The following LRRC8E variants were observed in gnomAD, a reference collection of about 807,000 sequenced individuals.
LRRC8E encodes volume-regulated anion channel subunit LRRC8E.
Under a neutral mutation model 6.1 loss-of-function variants are expected in LRRC8E, and 6 were observed. The ratio of observed to expected loss-of-function variants is 0.98; its 90% CI spans 0.54 to 1.93. The LOEUF is 1.93. Ranked by LOEUF, LRRC8E falls within the 30% of genes most tolerant of loss-of-function variation. The pLI, the probability that LRRC8E is intolerant of heterozygous loss-of-function variation, is 0.01. For synonymous variants in LRRC8E, 485 were observed against 472.8 expected, an observed-to-expected ratio of 1.03 and a Z score of -0.33; for missense variants, 1,028 against 1,031.4, an observed-to-expected ratio of 1.00 and a Z score of 0.04.
At position 7,900,557 on chromosome 19, in the gene LRRC8E, C is replaced by T. The variant is rs1981940195; in HGVS notation, c.2035C>T (p.Arg679Cys). 16 of 1,613,048 alleles carry T rather than the reference C, an allele frequency of 9.9e-6. No individual in the cohort carries two copies. The highest frequency in any genetic ancestry group is 3.3e-5 in the Admixed American group (2 of 60,008). The change falls in exon 3 of 3, where the codon CGT (arginine) becomes TGT (cysteine). Residue 679 changes from arginine to cysteine, a missense_variant. Physicochemically the swap from Arg to Cys is radical, Grantham distance 180. Coordinates refer to ENST00000306708, the MANE Select transcript of LRRC8E (RefSeq NM_025061.6). This position sits in a 1 kb window ranked among gnomAD's most constrained non-coding sequence, Gnocchi z 5.0. ...PSQLGLCSGL[R>C]LLDVSHNGLH... ...CCAGCTCGGCCTGTGCTCAGGCCTC[C>T]GTCTGCTGGATGTGTCCCACAATGG...
chr19:7,889,765 T>TC (rs891830668), intron 1 of LRRC8E, among the ~76,000 whole-genome samples: 2 of 150,968 alleles, frequency 1.3e-5, no homozygotes, highest in Non-Finnish European at 3.0e-5. Context: ...TTTTTTTTTT[T>TC]TTCAAGATAG....
rs1463243434 is a variant in LRRC8E, at chr19:7,899,967, T to C, written c.1445T>C (p.Leu482Pro). The C allele has an allele frequency of 4.3e-6, 7 of 1,609,390 alleles. No homozygotes were observed. The African/African-American group carries it at 5.3e-5, about 12-fold the overall frequency. The stretch of plus-strand genomic sequence containing the variant: ...CTACCCTTCTCCTTGCAGGTCTTCC[T>C]GCGGGACCACCTGAAGGTGATGCGC... ...ARLPFSLQVFLRDHLKVMRVK... is the reference protein window; with the variant it reads ...ARLPFSLQVFPRDHLKVMRVK... The change falls in exon 3 of 3, where the codon CTG becomes CCG. Residue 482 changes from leucine to proline, a missense_variant. By Grantham distance (98) the Leu-to-Pro change is moderately conservative (BLOSUM62 -3). Coordinates refer to ENST00000306708, the MANE Select transcript of LRRC8E (RefSeq NM_025061.6).
intron 1 of LRRC8E, among the ~76,000 whole-genome samples, chr19:7,889,817 T>C (rs565393801): frequency 1.3e-5 from 2 of 151,308 alleles, no homozygotes; most frequent in South Asian, 4.2e-4. Flanking sequence ...TGGCACGATC[T>C]TGGCTCACGG....
rs981050435 is a variant in LRRC8E at position 7,895,903 on chromosome 19, G to A, written c.138+162G>A. On this transcript the variant is annotated intron_variant, in intron 2 of 2. Coordinates refer to ENST00000306708, the MANE Select transcript of LRRC8E (RefSeq NM_025061.6). The surrounding 1 kb of genome is among the most constrained non-coding windows in gnomAD (Gnocchi z 4.7). ...TTATCTTCCTTACCTCCATAGCCAG[G>A]AGCACCGGAGTCCCCACATTGCTAT... Among the ~76,000 whole-genome samples the A allele has an allele frequency of 5.3e-5, 8 of 152,142 alleles. No individual in the cohort carries two copies. The highest frequency in any genetic ancestry group is 3.3e-4 in the Admixed American group (5 of 15,276).
At chr19:7,888,682 A>AG (rs1981143891) in intron 1 of LRRC8E, 82 bp downstream of exon 1, 1 of 152,116 alleles carries the variant, frequency 6.6e-6, no homozygotes, top group South Asian at 2.1e-4. Context: ...GGTCTGGACA[A>AG]GGGGCAGAGC....
chr19:7,900,945 TAAA>T lies in LRRC8E; in HGVS notation c.*35_*37del. 3 of 1,439,584 alleles carry T rather than the reference TAAA, an allele frequency of 2.1e-6. No individual in the cohort carries two copies. The highest frequency in any genetic ancestry group is 2.8e-6 in the Non-Finnish European group (3 of 1,084,478). The allele number at this position is 1,439,584 out of a possible 1,614,324, so 89.2% of individuals were successfully genotyped here. On this transcript the variant is annotated 3_prime_UTR_variant, in exon 3 of 3. Coordinates refer to ENST00000306708, the MANE Select transcript of LRRC8E (RefSeq NM_025061.6). The surrounding 1 kb of genome is among the most constrained non-coding windows in gnomAD (Gnocchi z 5.0). ...GGTGGGGCCGTTTTAGGTAGAGCCT[TAAA>T]AATGCTTCTGCCCTGGAATCTCAAC...
rs781106170 is a variant in LRRC8E, at chr19:7,899,391, C to A, written c.869C>A (p.Thr290Lys). 1 of 1,614,182 alleles carries A rather than the reference C, an allele frequency of 6.2e-7. No individual in the cohort carries two copies. The highest frequency in any genetic ancestry group is 2.2e-5 in the East Asian group (1 of 44,888). ...TTCCTGGTGGCCTGTAGGGTGGAGA[C>A]GTCAGAGGTCACGGGCTACGCCAGC... Reference protein sequence around the residue: ...ISFLVACRVETSEVTGYASFC... With the variant: ...ISFLVACRVEKSEVTGYASFC... Residue 290 changes from threonine to lysine, a missense_variant, in exon 3 of 3, where the codon ACG (threonine) becomes AAG (lysine). Coordinates refer to ENST00000306708, the MANE Select transcript of LRRC8E (RefSeq NM_025061.6).
Position 7,900,678 on chromosome 19 carries a change from T to G in LRRC8E, c.2156T>G (p.Phe719Cys). 6.2e-7 allele frequency: 1 copy of G among 1,613,386 alleles called. No individual in the cohort carries two copies. The change falls in exon 3 of 3, where the codon TTC (phenylalanine) becomes TGC (cysteine). Residue 719 changes from phenylalanine to cysteine, a missense_variant. Physicochemically the swap from Phe to Cys is radical, Grantham distance 205 (BLOSUM62 -2). Coordinates refer to ENST00000306708, the MANE Select transcript of LRRC8E (RefSeq NM_025061.6). This position sits in a 1 kb window ranked among gnomAD's most constrained non-coding sequence, Gnocchi z 5.0. The part of the protein sequence containing the change: ...NALEALPEEL[F>C]FCRKLRTLLL... ...CTGGAGGCCCTGCCCGAAGAGCTCT[T>G]CTTCTGCCGCAAGCTGCGGACGTTG...
intron 1 of LRRC8E, among the ~76,000 whole-genome samples, chr19:7,893,210 G>A (rs546645439): frequency 2.6e-5 from 4 of 152,242 alleles, no homozygotes; most frequent in Middle Eastern, 3.4e-3. Flanking sequence ...GTTTCATCAC[G>A]TTGGCCAGGC....
rs1981995554 is a variant in LRRC8E at position 7,901,183 on chromosome 19, G to A, written c.*270G>A. 9.1e-6 allele frequency: 3 copies of A among 331,470 alleles called. No individual in the cohort carries two copies. Among genetic ancestry groups the A allele is most frequent in the East Asian group, 9.5e-5 (2 of 21,032 alleles). 20.5% of individuals were successfully genotyped at this position (331,470 alleles called of 1,614,324 possible). A position where few individuals can be genotyped will look rare whatever the true frequency, so the allele number is the denominator to read the frequency against. On this transcript the variant is annotated 3_prime_UTR_variant, in exon 3 of 3. Transcript: ENST00000306708. ...GACCAAAACCACACCTGTGTCTCTG[G>A]CAGGCTGGCTGGCCTTGCTCCCATC...
At chr19:7,891,646 G>A (rs865885754) in intron 1 of LRRC8E, among the ~76,000 whole-genome samples, 9 of 151,924 alleles carry the variant, frequency 5.9e-5, no homozygotes, top group East Asian at 1.9e-4. Flanking sequence ...TCGCTCTGTC[G>A]CCCAGGCTGG....
intron 2 of LRRC8E, among the ~76,000 whole-genome samples, chr19:7,897,659 C>T (rs1183549687): frequency 6.6e-6 from 1 of 150,730 alleles, no homozygotes; most frequent in African/African-American, 2.4e-5. Flanking sequence ...TGAGCCACCG[C>T]ACCCAGCCTC....
chr19:7,891,609 TTTG>T lies in LRRC8E; in HGVS notation c.-6+3012_-6+3014del, dbSNP rs545688184. On this transcript the variant is annotated intron_variant, in intron 1 of 2. Transcript: ENST00000306708. ...AGCCTCCAGAGTCAGGAGTTTTTGT[TTTG>T]TTTTGTTTTTTTGAGACGGAGTCTC... Among the ~76,000 whole-genome samples, 182 of 151,962 alleles carry T rather than the reference TTTG, an allele frequency of 1.2e-3. 2 individuals are homozygous for T. The highest frequency in any genetic ancestry group is 4.3e-3 in the African/African-American group (179 of 41,448).
intron 1 of LRRC8E, among the ~76,000 whole-genome samples, chr19:7,890,593 T>C (rs1256992307): frequency 1.3e-5 from 2 of 151,928 alleles, no homozygotes; most frequent in African/African-American, 4.8e-5. Context: ...ATTGAGACCA[T>C]CCTGGCTAAT....
Position 7,895,673 on chromosome 19 carries a change from T to C in LRRC8E, c.70T>C (p.Trp24Arg). 3 of 1,614,106 alleles carry C rather than the reference T, an allele frequency of 1.9e-6. No homozygotes were observed. The highest frequency in any genetic ancestry group is 2.5e-6 in the Non-Finnish European group (3 of 1,179,982). The change falls in exon 2 of 3, where the codon TGG becomes CGG. Residue 24 changes from tryptophan (W) to arginine (R), a missense_variant. Trp to Arg is a moderately radical substitution (Grantham distance 101). Coordinates refer to ENST00000306708, the MANE Select transcript of LRRC8E (RefSeq NM_025061.6). The surrounding 1 kb of genome is among the most constrained non-coding windows in gnomAD (Gnocchi z 4.7). ...TGCGTTCAAGGTGCTCAAACCCTGG[T>C]GGGACGTGCTGGCCGAGTACCTCAC... ...QPAFKVLKPW[W>R]DVLAEYLTVA...
rs1190000336 is a variant in LRRC8E, at chr19:7,895,954, T to C, written c.138+213T>C. ...GCCATTCCATATCTTTTTTTCTTTT[T>C]TGAGACGGAGTCTCACTCTGTCACC... is the stretch of plus-strand genomic sequence containing the variant. On this transcript the variant is annotated intron_variant, in intron 2 of 2. Coordinates refer to ENST00000306708, the MANE Select transcript of LRRC8E (RefSeq NM_025061.6). This position sits in a 1 kb window ranked among gnomAD's most constrained non-coding sequence, Gnocchi z 4.7. Among the ~76,000 whole-genome samples the C allele has an allele frequency of 6.6e-6, 1 of 152,148 alleles. No individual in the cohort carries two copies. Among genetic ancestry groups the C allele is most frequent in the Non-Finnish European group, 1.5e-5 (1 of 68,034 alleles).
intron 1 of LRRC8E, among the ~76,000 whole-genome samples, chr19:7,892,710 G>C (rs548893486): frequency 6.6e-6 from 1 of 152,166 alleles, no homozygotes; most frequent in Non-Finnish European, 1.5e-5. Context: ...ATTTTGGTGG[G>C]TGCAATGTAC....
At position 7,895,984 on chromosome 19, in the gene LRRC8E, CTA is replaced by C. The variant is rs1599605867; in HGVS notation, c.138+244_138+245del. Among the ~76,000 whole-genome samples the C allele has an allele frequency of 1.3e-5, 2 of 152,120 alleles. No individual in the cohort carries two copies. The highest frequency in any genetic ancestry group is 4.8e-5 in the African/African-American group (2 of 41,454). On this transcript the variant is annotated intron_variant, in intron 2 of 2. Transcript: ENST00000306708. This position sits in a 1 kb window ranked among gnomAD's most constrained non-coding sequence, Gnocchi z 4.7. ...ACGGAGTCTCACTCTGTCACCCAGG[CTA>C]GAGTACAGTGGCATGATCTCAGCTC... is the stretch of plus-strand genomic sequence containing the variant.
intron 1 of LRRC8E, among the ~76,000 whole-genome samples, chr19:7,893,149 G>A (rs1338085891): frequency 1.3e-5 from 2 of 152,164 alleles, no homozygotes; most frequent in Admixed American, 6.5e-5. Flanking sequence ...TGGGATTACA[G>A]GCACCTGCCA....
Sources: allele counts gnomAD v4.1 joint callset (sites outside exome capture counted in the v4.1 genomes callset), GRCh38; gene constraint gnomAD v4.1.1; non-coding constraint Gnocchi (gnomAD v3.1); transcripts MANE v1.5; gene names NCBI Gene and HGNC (gene_info 2026-07-23, HGNC 2026-07-21).